The following PSD3 variants were observed in gnomAD, a reference collection of about 807,000 sequenced individuals.
PSD3 encodes pleckstrin and Sec7 domain containing 3.
A neutral mutation model predicts 105.5 loss-of-function variants in PSD3; 49 were observed. The ratio of observed to expected loss-of-function variants is 0.46; its 90% confidence interval spans 0.37 to 0.59. The LOEUF is 0.59. PSD3 is among the 20% of genes least tolerant of loss of function. PSD3 has a pLI of 0.00. For missense variants in PSD3, 1,561 were observed against 1,263.8 expected (o/e 1.24, Z -3.57); for synonymous variants, 557 against 457.8 (o/e 1.22, Z -2.77).
At chr8:19,002,736 T>C (rs915986655) in intron 1 of PSD3, among the ~76,000 whole-genome samples, 1 of 152,074 alleles carries the variant, frequency 6.6e-6, no homozygotes, top group Non-Finnish European at 1.5e-5. Flanking sequence ...AAGAAACAGA[T>C]GTCCATACAT....
chr8:18,707,293 T>C (rs536693899), intron 9 of PSD3, among the ~76,000 whole-genome samples: 46 of 152,340 alleles, frequency 3.0e-4, no homozygotes, highest in Non-Finnish European at 5.6e-4. Context: ...GTGTCAAGTC[T>C]ATGAGACTTT....
chr8:18,981,280 A>C (rs939409019), intron 1 of PSD3, among the ~76,000 whole-genome samples: 1 of 152,210 alleles, frequency 6.6e-6, no homozygotes, highest in Non-Finnish European at 1.5e-5. Context: ...ACGCAAGAAA[A>C]GTCACAGGTC....
chr8:19,013,474 A>G, intron 1 of PSD3, 89 bp downstream of exon 1: 3 of 1,552,210 alleles, frequency 1.9e-6, no homozygotes, highest in Admixed American at 1.7e-5. Flanking sequence ...ATCCTGGGGG[A>G]CAGAGCGGCG....
At chr8:18,673,409 T>C (rs1336553405) in intron 9 of PSD3, among the ~76,000 whole-genome samples, 1 of 152,206 alleles carries the variant, frequency 6.6e-6, no homozygotes, top group Non-Finnish European at 1.5e-5. Context: ...TTAATCATCA[T>C]CTTATTTTGT....
intron 9 of PSD3, among the ~76,000 whole-genome samples, chr8:18,740,552 C>T (rs1260522798): frequency 6.6e-6 from 1 of 152,152 alleles, no homozygotes; most frequent in Non-Finnish European, 1.5e-5. Flanking sequence ...GGATGAATCT[C>T]AACTGCTTTT....
Position 18,650,026 on chromosome 8 carries a change from T to C in PSD3, c.2216+5616A>G, listed in dbSNP as rs146972763. 4.6e-3 allele frequency among the ~76,000 whole-genome samples: 703 copies of C among 152,362 alleles called. 6 individuals are homozygous for C. The highest frequency in any genetic ancestry group is 7.4e-3 in the Non-Finnish European group (505 of 68,032). On this transcript the variant is annotated intron_variant, in intron 10 of 15. Coordinates refer to ENST00000327040, the MANE Select transcript of PSD3 (RefSeq NM_015310.4). ...TTACCCAGTCTTAAGTATTGCTTTG[T>C]AGCAGTGCAAGAACAGACTAAAACA...
intron 2 of PSD3, among the ~76,000 whole-genome samples, chr8:18,881,797 TA>T (rs1818121910): frequency 6.6e-6 from 1 of 152,372 alleles, no homozygotes; most frequent in East Asian, 1.9e-4. Flanking sequence ...GCAAGAACTT[TA>T]TTTGCTTTCT....
At chr8:18,961,585 G>A (rs149915132) in intron 1 of PSD3, among the ~76,000 whole-genome samples, 2,204 of 152,136 alleles carry the variant, frequency 0.014, 69 homozygotes, top group African/African-American at 0.05. Context: ...AGCTACTCGC[G>A]AGGCTGAGGC....
chr8:18,625,215 C>T (rs1806392348), intron 11 of PSD3, among the ~76,000 whole-genome samples: 1 of 145,174 alleles, frequency 6.9e-6, no homozygotes, highest in African/African-American at 2.5e-5. Flanking sequence ...CACACACACA[C>T]ACACTTCTCA....
intron 4 of PSD3, among the ~76,000 whole-genome samples, chr8:18,821,684 A>AACAC (rs10527060): frequency 0.016 from 2,124 of 131,348 alleles, 40 homozygotes; most frequent in African/African-American, 0.038. Flanking sequence ...TGACCCCCAC[A>AACAC]ACACACACAC....
rs565667284 is a variant in PSD3, at chr8:18,828,590, C to T, written c.1635-23692G>A. Among the ~76,000 whole-genome samples the T allele has an allele frequency of 1.6e-4, 25 of 152,176 alleles. No individual in the cohort carries two copies. The East Asian group carries it at 2.1e-3, about 13-fold the overall frequency. On this transcript the variant is annotated intron_variant, in intron 4 of 15. Transcript: ENST00000327040. ...CCAAGGCAGGCAGACTGCTCGAGCCCGGGAGTTCAAGACCAGCCTGGGCAA... is the reference window on the plus strand; with the variant it reads ...CCAAGGCAGGCAGACTGCTCGAGCCTGGGAGTTCAAGACCAGCCTGGGCAA...
At chr8:18,979,673 A>T (rs542785610) in intron 1 of PSD3, 1 of 167,702 alleles carries the variant, frequency 6.0e-6, no homozygotes, top group South Asian at 1.7e-4. Context: ...ATGAACTCAC[A>T]AGTGTAGACA....
At chr8:18,788,629 C>T (rs761734381) in intron 8 of PSD3, among the ~76,000 whole-genome samples, 1 of 152,246 alleles carries the variant, frequency 6.6e-6, no homozygotes, top group Non-Finnish European at 1.5e-5. Context: ...GGAAGCTTTG[C>T]GGAAAACGTG....
chr8:18,827,348 A>G (rs1813278874), intron 4 of PSD3, among the ~76,000 whole-genome samples: 1 of 152,204 alleles, frequency 6.6e-6, no homozygotes, highest in Non-Finnish European at 1.5e-5. Flanking sequence ...GTCACAGAAG[A>G]CAGAGACGTG....
intron 4 of PSD3, among the ~76,000 whole-genome samples, chr8:18,855,149 G>C (rs1397378110): frequency 3.3e-5 from 5 of 152,162 alleles, no homozygotes; most frequent in African/African-American, 4.8e-5. Flanking sequence ...TTGGGATACG[G>C]GGATTATGAG....
intron 2 of PSD3, among the ~76,000 whole-genome samples, chr8:18,903,582 G>A (rs1755321258): frequency 6.6e-6 from 1 of 152,168 alleles, no homozygotes; most frequent in African/African-American, 2.4e-5. Flanking sequence ...TCTCAGCTAA[G>A]CCACTGTTCT....
chr8:18,816,119 C>T (rs116694802), intron 4 of PSD3, among the ~76,000 whole-genome samples: 13 of 152,240 alleles, frequency 8.5e-5, no homozygotes, highest in East Asian at 1.9e-4. Flanking sequence ...TAACAGGGGA[C>T]GTTTCCACTC....
intron 1 of PSD3, among the ~76,000 whole-genome samples, chr8:18,961,775 T>C (rs1470626756): frequency 6.6e-6 from 1 of 152,146 alleles, no homozygotes; most frequent in East Asian, 1.9e-4. Flanking sequence ...ATTTTATTTG[T>C]CCTGAGTCAA....
Position 18,544,171 on chromosome 8 carries a change from C to CAAAAAAAAAAAAAAAAAAAAAAA in PSD3, c.2929-8236_2929-8214dup, listed in dbSNP as rs201016537. ...TACAATGGAAAACAAAGAAACAAAC[C>CAAAAAAAAAAAAAAAAAAAAAAA]AAAAAAAAAAAAAAAAAAAAAAAAA... On this transcript the variant is annotated intron_variant, in intron 15 of 15. Transcript: ENST00000327040. Among the ~76,000 whole-genome samples the CAAAAAAAAAAAAAAAAAAAAAAA allele has an allele frequency of 9.4e-5, 10 of 106,716 alleles. 1 individual carries two copies. Among genetic ancestry groups the CAAAAAAAAAAAAAAAAAAAAAAA allele is most frequent in the African/African-American group, 3.0e-4 (6 of 20,246 alleles). 70.0% of individuals were successfully genotyped at this position (106,716 alleles called of 152,430 possible).
Sources: allele counts gnomAD v4.1 joint callset (sites outside exome capture counted in the v4.1 genomes callset), GRCh38; gene constraint gnomAD v4.1.1; transcripts MANE v1.5; gene names NCBI Gene and HGNC (gene_info 2026-07-23, HGNC 2026-07-21).